Variants in GAK observed in about 807,000 individuals in gnomAD.
The protein encoded by GAK is cyclin-G-associated kinase.
In GAK, 79 loss-of-function variants were observed where a neutral mutation model predicts 143.9. That is an observed-to-expected ratio of 0.55 (90% confidence interval 0.46 to 0.66). The LOEUF is 0.66. GAK is among the 30% of genes least tolerant of loss of function. The probability of loss-of-function intolerance (pLI) is 0.00; values close to 1 mark genes in which losing one functional copy is unlikely to be tolerated. For missense variants in GAK, 1,693 were observed against 1,779.7 expected (o/e 0.95, Z 0.88); for synonymous variants, 881 against 765.5 (o/e 1.15, Z -2.49).
At chr4:865,631 G>A (rs2152740804) in intron 22 of GAK, among the ~76,000 whole-genome samples, 1 of 152,296 alleles carries the variant, frequency 6.6e-6, no homozygotes, top group East Asian at 1.9e-4. Context: ...GGCAGACAGA[G>A]GGCCCAGCAG....
At chr4:860,923 G>A (rs745735828) in intron 23 of GAK, among the ~76,000 whole-genome samples, 9 of 152,240 alleles carry the variant, frequency 5.9e-5, no homozygotes, top group Non-Finnish European at 1.3e-4. Context: ...CGCACGCCAT[G>A]TGCACTCTGT....
Position 877,578 on chromosome 4 carries a change from A to G in GAK, c.1856+37T>C, listed in dbSNP as rs11940055. The G allele has an allele frequency of 2.2e-4, 341 of 1,531,544 alleles. 2 individuals are homozygous for G. The African/African-American group carries it at 3.5e-3, about 16-fold the overall frequency. 94.9% of individuals were successfully genotyped at this position (1,531,544 alleles called of 1,614,324 possible). ...TTAACGGTTTTCCGGAGGGGTGAGGAGGAGGGAGCACAGCGTGGGGCTGCA... is the reference window on the plus strand; with the variant it reads ...TTAACGGTTTTCCGGAGGGGTGAGGGGGAGGGAGCACAGCGTGGGGCTGCA... On this transcript the variant is annotated intron_variant, in intron 16 of 27. Coordinates refer to ENST00000314167, the MANE Select transcript of GAK (RefSeq NM_005255.4).
chr4:852,017 G>C, intron 24 of GAK, 43 bp from the exon 25 acceptor site: 1 of 1,476,896 alleles, frequency 6.8e-7, no homozygotes, highest in Non-Finnish European at 9.4e-7. Flanking sequence ...GGTTGTCCAT[G>C]AGGGGCAACT....
chr4:868,418 A>T, intron 20 of GAK, 121 bp downstream of exon 20: 1 of 926,014 alleles, frequency 1.1e-6, no homozygotes, highest in Non-Finnish European at 1.6e-6. Context: ...GCACAGCCCC[A>T]CTGAGGTGCA....
chr4:885,605 C>A (rs924878862), intron 11 of GAK, among the ~76,000 whole-genome samples: 1 of 152,120 alleles, frequency 6.6e-6, no homozygotes, highest in Non-Finnish European at 1.5e-5. Flanking sequence ...CGGATGCTGA[C>A]GGGACAGAAA....
intron 11 of GAK, chr4:884,337 G>A (rs1226533336): frequency 2.0e-6 from 1 of 511,998 alleles, no homozygotes; most frequent in Non-Finnish European, 3.5e-6. Flanking sequence ...GGGTGAGACA[G>A]GAGAGACATC....
chr4:921,023 G>A (rs973991086), intron 1 of GAK, among the ~76,000 whole-genome samples: 1 of 152,212 alleles, frequency 6.6e-6, no homozygotes, highest in Admixed American at 6.5e-5. Context: ...GGTATTGGCA[G>A]AGGGACAGAT....
intron 9 of GAK, among the ~76,000 whole-genome samples, chr4:892,540 C>A (rs1717878378): frequency 6.6e-6 from 1 of 152,232 alleles, no homozygotes; most frequent in South Asian, 2.1e-4. Context: ...CCAGGCCTCA[C>A]ACTTCCACAA....
intron 26 of GAK, 65 bp downstream of exon 26, chr4:850,871 C>T: frequency 6.5e-7 from 1 of 1,547,432 alleles, no homozygotes; most frequent in South Asian, 1.2e-5. Context: ...TAAGGCACAG[C>T]AGATGCTCCA....
intron 15 of GAK, among the ~76,000 whole-genome samples, chr4:879,125 C>G (rs962311309): frequency 6.6e-6 from 1 of 152,176 alleles, no homozygotes; most frequent in Admixed American, 6.5e-5. Flanking sequence ...AGGGAGACCA[C>G]GAGAGAATGG....
At chr4:904,606 C>T (rs1287224326) in intron 5 of GAK, 31 bp downstream of exon 5, 2 of 1,534,468 alleles carry the variant, frequency 1.3e-6, no homozygotes, top group Non-Finnish European at 1.8e-6. Context: ...ACACAGAGGC[C>T]TTGGCAGCCG....
At position 866,425 on chromosome 4, in the gene GAK, T is replaced by A; in HGVS notation, c.2982A>T (p.Pro994=). 1.9e-6 allele frequency: 3 copies of A among 1,614,066 alleles called. No homozygotes were observed. The highest frequency in any genetic ancestry group is 2.5e-6 in the Non-Finnish European group (3 of 1,179,988). ...GAGCACTGTGGGCAGACGGGAAGGA[T>A]GGTGGGACGGTCACAGAGTCCGAAT... The part of the protein sequence containing the change: ...FLNSDSVTVP[P]SFPSAHSAPP... The change falls in exon 22 of 28, where the codon CCA becomes CCT. Residue 994 remains proline (P), a synonymous_variant. Transcript: ENST00000314167.
At chr4:900,290 G>A (rs1719623221) in intron 5 of GAK, among the ~76,000 whole-genome samples, 1 of 152,246 alleles carries the variant, frequency 6.6e-6, no homozygotes, top group African/African-American at 2.4e-5. Flanking sequence ...GGCGAGTGGG[G>A]CCACGTGTGC....
At chr4:891,778 C>G (rs1332234723) in intron 9 of GAK, among the ~76,000 whole-genome samples, 1 of 152,128 alleles carries the variant, frequency 6.6e-6, no homozygotes, top group Non-Finnish European at 1.5e-5. Flanking sequence ...TAAAGAGCCA[C>G]CAAGCGAGGG....
At chr4:858,423 C>T (rs1365443135) in intron 24 of GAK, among the ~76,000 whole-genome samples, 1 of 152,090 alleles carries the variant, frequency 6.6e-6, no homozygotes, top group East Asian at 1.9e-4. Flanking sequence ...CCCTGGGAGT[C>T]CACTCCTTCT....
At chr4:898,263 C>T in intron 5 of GAK, 105 bp from the exon 6 acceptor site, 6 of 1,371,456 alleles carry the variant, frequency 4.4e-6, no homozygotes, top group Non-Finnish European at 6.1e-6. Flanking sequence ...TCGCAGACAG[C>T]ACTCGCCCAG....
chr4:926,008 C>CA (rs1724660882), intron 1 of GAK, among the ~76,000 whole-genome samples: 1 of 151,788 alleles, frequency 6.6e-6, no homozygotes. Flanking sequence ...TGAGCCCACC[C>CA]GGGGGTCGTC....
intron 10 of GAK, among the ~76,000 whole-genome samples, chr4:890,212 A>C (rs1183447134): frequency 1.3e-5 from 2 of 152,132 alleles, no homozygotes; most frequent in Admixed American, 6.5e-5. Flanking sequence ...TGCCTCCCAC[A>C]TAACCCCTGA....
At chr4:899,321 C>T (rs768919855) in intron 5 of GAK, among the ~76,000 whole-genome samples, 2 of 152,206 alleles carry the variant, frequency 1.3e-5, no homozygotes, top group Non-Finnish European at 2.9e-5. Context: ...CCAGCACAGG[C>T]ATCCCTCTGG....
Sources: allele counts gnomAD v4.1 joint callset (sites outside exome capture counted in the v4.1 genomes callset), GRCh38; gene constraint gnomAD v4.1.1; transcripts MANE v1.5; gene names NCBI Gene and HGNC (gene_info 2026-07-23, HGNC 2026-07-21).